SMIM35: variants seen among roughly 807,000 people sequenced by gnomAD.
SMIM35 encodes small integral membrane protein 35, also known as TMPRSS4 antisense RNA 1 (non-protein coding).
intron 1 of SMIM35, among the ~76,000 whole-genome samples, chr11:118,036,793 G>T (rs1328496106): frequency 6.6e-6 from 1 of 152,080 alleles, no homozygotes; most frequent in South Asian, 2.1e-4. Context: ...TTTTGCAATT[G>T]CAAGATTTAA....
intron 1 of SMIM35, among the ~76,000 whole-genome samples, chr11:118,066,760 G>C (rs1944480031): frequency 6.6e-6 from 1 of 151,426 alleles, no homozygotes; most frequent in Non-Finnish European, 1.5e-5. Context: ...AGGAGATCAA[G>C]ACTGCAGTGA....
chr11:118,085,414 G>A (rs1945471355), intron 1 of SMIM35, among the ~76,000 whole-genome samples: 2 of 151,906 alleles, frequency 1.3e-5, no homozygotes, highest in Non-Finnish European at 2.9e-5. Flanking sequence ...TAGTAGAGAT[G>A]GGGTTTCACT....
At chr11:118,029,706 T>A (rs187653466) in intron 1 of SMIM35, 231 of 457,398 alleles carry the variant, frequency 5.1e-4, no homozygotes, top group African/African-American at 2.7e-3. Flanking sequence ...GGAACCAGTC[T>A]CGTTACACCC....
At chr11:118,064,210 T>G (rs937840775) in intron 1 of SMIM35, among the ~76,000 whole-genome samples, 7 of 152,226 alleles carry the variant, frequency 4.6e-5, no homozygotes, top group African/African-American at 1.7e-4. Flanking sequence ...GCGTTGATGA[T>G]TGTGGCGTGA....
At chr11:118,080,646 T>C (rs1214506042) in intron 1 of SMIM35, among the ~76,000 whole-genome samples, 3 of 152,044 alleles carry the variant, frequency 2.0e-5, no homozygotes, top group African/African-American at 7.2e-5. Flanking sequence ...CCAAGAGATC[T>C]GAGGAGCTGA....
intron 1 of SMIM35, among the ~76,000 whole-genome samples, chr11:118,076,548 T>C (rs957514992): frequency 5.3e-5 from 8 of 152,122 alleles, no homozygotes; most frequent in Non-Finnish European, 1.2e-4. Flanking sequence ...TTTCAGAATA[T>C]TGAACGGCTG....
chr11:118,038,995 G>A (rs182682736), intron 1 of SMIM35, among the ~76,000 whole-genome samples: 49 of 152,244 alleles, frequency 3.2e-4, no homozygotes, highest in Middle Eastern at 3.4e-3. Flanking sequence ...GGCATGAGAA[G>A]AAGCAGGAGA....
chr11:118,081,359 C>T (rs983512967), intron 1 of SMIM35, among the ~76,000 whole-genome samples: 4 of 152,192 alleles, frequency 2.6e-5, no homozygotes, highest in African/African-American at 9.7e-5. Context: ...GCCAATGTGG[C>T]AATCCCCCTG....
chr11:118,014,307 A>G (rs1456463102), intron 3 of SMIM35, among the ~76,000 whole-genome samples: 1 of 152,150 alleles, frequency 6.6e-6, no homozygotes, highest in Admixed American at 6.5e-5. Context: ...TAAGGAAGGA[A>G]AGAAGGAAGG....
At chr11:118,083,667 C>T (rs1159583100) in intron 1 of SMIM35, among the ~76,000 whole-genome samples, 1 of 152,032 alleles carries the variant, frequency 6.6e-6, no homozygotes, top group African/African-American at 2.4e-5. Flanking sequence ...AGAGCTTTAC[C>T]TCTGGTTCAC....
At chr11:118,057,964 A>C (rs751299346) in intron 1 of SMIM35, among the ~76,000 whole-genome samples, 2 of 152,228 alleles carry the variant, frequency 1.3e-5, no homozygotes, top group Non-Finnish European at 2.9e-5. Flanking sequence ...GTAAACGATG[A>C]TATTCATCTC....
chr11:118,058,957 C>T (rs61900590), intron 1 of SMIM35, among the ~76,000 whole-genome samples: 38,951 of 152,192 alleles, frequency 0.26, 5,675 homozygotes, highest in Non-Finnish European at 0.32. Flanking sequence ...GCATCAGAAA[C>T]GTCCCCAGAG....
intron 1 of SMIM35, among the ~76,000 whole-genome samples, chr11:118,033,768 C>T (rs141394468): frequency 4.9e-4 from 74 of 152,248 alleles, no homozygotes; most frequent in African/African-American, 1.7e-3. Flanking sequence ...AGAAATCATT[C>T]ATAGAATTCT....
At position 118,064,081 on chromosome 11, in the gene SMIM35, A is replaced by G. The variant is rs115336521; in HGVS notation, c.7+22670T>C. Among the ~76,000 whole-genome samples the G allele has an allele frequency of 7.0e-3, 1,073 of 152,310 alleles. 9 individuals are homozygous for G. The highest frequency in any genetic ancestry group is 0.023 in the African/African-American group (946 of 41,578). On this transcript the variant is annotated intron_variant, in intron 1 of 4. Transcript: ENST00000689828. ...CTCATCAACCATAGGATCTGTTGCTATCTGGTAGATAGTGTGGGAATTGAG... is the reference window on the plus strand; with the variant it reads ...CTCATCAACCATAGGATCTGTTGCTGTCTGGTAGATAGTGTGGGAATTGAG...
At chr11:118,040,078 T>C (rs1001517234) in intron 1 of SMIM35, among the ~76,000 whole-genome samples, 5 of 145,972 alleles carry the variant, frequency 3.4e-5, no homozygotes, top group Non-Finnish European at 6.0e-5. Flanking sequence ...CAGCCGGGCA[T>C]GATGGTGCAC....
At chr11:118,043,090 C>T (rs1032099290) in intron 1 of SMIM35, among the ~76,000 whole-genome samples, 3 of 152,168 alleles carry the variant, frequency 2.0e-5, no homozygotes, top group Non-Finnish European at 4.4e-5. Flanking sequence ...AGTAACACGA[C>T]GAAGATGTCT....
At chr11:118,013,223 A>G (rs2058159385) in intron 4 of SMIM35, among the ~76,000 whole-genome samples, 2 of 152,100 alleles carry the variant, frequency 1.3e-5, no homozygotes, top group Admixed American at 1.3e-4. Flanking sequence ...AGTCCAGGGG[A>G]GCCTGGGAGG....
chr11:118,081,584 G>C (rs1374951238), intron 1 of SMIM35, among the ~76,000 whole-genome samples: 1 of 152,248 alleles, frequency 6.6e-6, no homozygotes, highest in African/African-American at 2.4e-5. Context: ...TGAGAGACAT[G>C]ATGGCCCCTG....
chr11:118,081,920 C>A (rs1176630393), intron 1 of SMIM35, among the ~76,000 whole-genome samples: 1 of 152,198 alleles, frequency 6.6e-6, no homozygotes, highest in Non-Finnish European at 1.5e-5. Context: ...ACACTCCAGA[C>A]AAAGCCTGAC....
Sources: allele counts gnomAD v4.1 joint callset (sites outside exome capture counted in the v4.1 genomes callset), GRCh38; gene constraint gnomAD v4.1.1; transcripts MANE v1.5; gene names NCBI Gene and HGNC (gene_info 2026-07-23, HGNC 2026-07-21).